Variants in CSMD1 observed in about 807,000 individuals in gnomAD.
CSMD1 encodes the protein CUB and Sushi multiple domains 1, also known as CUB and sushi domain-containing protein 1.
CSMD1 carries 213 observed loss-of-function variants against 417.5 expected under a neutral mutation model. The ratio of observed to expected loss-of-function variants is 0.51; its 90% CI spans 0.46 to 0.57. The LOEUF (loss-of-function observed/expected upper bound fraction) is 0.57. Among genes scored for constraint, CSMD1 ranks in the 20% least tolerant of loss-of-function variants. CSMD1 has a pLI of 0.00. For missense variants in CSMD1, 6,923 were observed against 4,529.7 expected (o/e 1.53, Z -15.17); for synonymous variants, 2,862 against 1,736.8 (o/e 1.65, Z -16.11).
At chr8:3,298,468 T>C (rs1418089748) in intron 25 of CSMD1, among the ~76,000 whole-genome samples, 1 of 150,172 alleles carries the variant, frequency 6.7e-6, no homozygotes, top group Non-Finnish European at 1.5e-5. Context: ...CTCTCTCTCT[T>C]TTTTAGACAG....
intron 41 of CSMD1, among the ~76,000 whole-genome samples, chr8:3,120,615 G>A (rs987271621): frequency 3.3e-5 from 5 of 152,084 alleles, no homozygotes; most frequent in African/African-American, 9.7e-5. Flanking sequence ...TTGGGAGGCC[G>A]AAGCGGGTGG....
At chr8:3,467,370 A>G (rs1306566220) in intron 12 of CSMD1, among the ~76,000 whole-genome samples, 1 of 152,184 alleles carries the variant, frequency 6.6e-6, no homozygotes, top group East Asian at 1.9e-4. Flanking sequence ...GGCAGCAGCA[A>G]ATGCAGGTCA....
At chr8:3,641,410 A>C (rs1797303034) in intron 7 of CSMD1, among the ~76,000 whole-genome samples, 1 of 152,160 alleles carries the variant, frequency 6.6e-6, no homozygotes, top group African/African-American at 2.4e-5. Context: ...AGCAGAAATA[A>C]AAATTGGGTT....
chr8:3,810,638 C>G (rs931823243), intron 5 of CSMD1, among the ~76,000 whole-genome samples: 5 of 152,212 alleles, frequency 3.3e-5, no homozygotes, highest in Non-Finnish European at 7.4e-5. Flanking sequence ...GGACTGGAGT[C>G]TTTAGTTTAT....
At chr8:4,899,137 T>C (rs984499042) in intron 1 of CSMD1, among the ~76,000 whole-genome samples, 1 of 152,352 alleles carries the variant, frequency 6.6e-6, no homozygotes, top group East Asian at 1.9e-4. Context: ...CACGTATCAA[T>C]AGGCAAATTG....
chr8:4,145,486 G>A lies in CSMD1; in HGVS notation c.416-113387C>T, dbSNP rs1026658213. On this transcript the variant is annotated intron_variant, in intron 3 of 69. Transcript: ENST00000635120. ...TTGAAATATATACGGTAAACTAGAC[G>A]GCATGTGAGCCCTGTCACCCTCAAA... 7.3e-5 allele frequency among the ~76,000 whole-genome samples: 11 copies of A among 150,926 alleles called. 1 individual carries two copies. Among genetic ancestry groups the A allele is most frequent in the African/African-American group, 2.7e-4 (11 of 40,324 alleles).
chr8:3,795,064 ATATAT>A (rs1799970216), intron 5 of CSMD1, among the ~76,000 whole-genome samples: 1 of 132,472 alleles, frequency 7.5e-6, no homozygotes, highest in Non-Finnish European at 1.7e-5. Flanking sequence ...AGCTATAGAT[ATATAT>A]CTATCATGTA....
intron 5 of CSMD1, among the ~76,000 whole-genome samples, chr8:3,889,433 G>A (rs1585145706): frequency 9.2e-6 from 1 of 109,132 alleles, no homozygotes; most frequent in Non-Finnish European, 1.8e-5. Context: ...GTCATTAGTT[G>A]ATATGCTTCT....
At chr8:3,973,313 A>T (rs540081902) in intron 5 of CSMD1, among the ~76,000 whole-genome samples, 1 of 152,168 alleles carries the variant, frequency 6.6e-6, no homozygotes, top group Non-Finnish European at 1.5e-5. Flanking sequence ...TTTGAATATC[A>T]GTTGAATGTC....
intron 3 of CSMD1, among the ~76,000 whole-genome samples, chr8:4,242,899 T>G (rs1011039585): frequency 6.6e-6 from 1 of 152,354 alleles, no homozygotes; most frequent in East Asian, 1.9e-4. Flanking sequence ...TTAAAATGTA[T>G]GTTCTAAAAC....
At chr8:3,402,486 A>C (rs1451590419) in intron 15 of CSMD1, among the ~76,000 whole-genome samples, 4 of 152,206 alleles carry the variant, frequency 2.6e-5, no homozygotes, top group African/African-American at 9.6e-5. Flanking sequence ...TGTTAGAAGC[A>C]GAAGAAAGAG....
chr8:4,974,440 C>G lies in CSMD1; in HGVS notation c.85+19892G>C, dbSNP rs75464400. Among the ~76,000 whole-genome samples, 465 of 152,142 alleles carry G rather than the reference C, an allele frequency of 3.1e-3. 5 individuals carry two copies. Among genetic ancestry groups the G allele is most frequent in the African/African-American group, 0.011 (439 of 41,506 alleles). On this transcript the variant is annotated intron_variant, in intron 1 of 69. Transcript: ENST00000635120. ...AGTTGAGATATATTTAAATTTTTGA[C>G]AGAATTTTAGCAGACACAGGCTATA...
chr8:3,860,567 G>A (rs1054788679), intron 5 of CSMD1, among the ~76,000 whole-genome samples: 3 of 152,074 alleles, frequency 2.0e-5, no homozygotes, highest in South Asian at 2.1e-4. Context: ...CAGAAAATAC[G>A]CATATGTATT....
chr8:3,390,083 G>T (rs189938027), intron 17 of CSMD1, among the ~76,000 whole-genome samples: 9 of 152,196 alleles, frequency 5.9e-5, no homozygotes, highest in South Asian at 4.2e-4. Flanking sequence ...GGCTGGGCAC[G>T]GTGGCTCATG....
chr8:4,459,099 T>C (rs545328555), intron 2 of CSMD1, among the ~76,000 whole-genome samples: 30 of 152,294 alleles, frequency 2.0e-4, no homozygotes, highest in African/African-American at 7.2e-4. Flanking sequence ...CCAGCCAGGG[T>C]ACGCTTCTAA....
intron 1 of CSMD1, among the ~76,000 whole-genome samples, chr8:4,884,914 T>G (rs1258786723): frequency 2.0e-5 from 3 of 152,240 alleles, no homozygotes; most frequent in Admixed American, 2.0e-4. Flanking sequence ...ATATAGGTAT[T>G]GCATTGAAGC....
rs74864950 is a variant in CSMD1, at chr8:4,750,000, A to T, written c.86-112442T>A. On this transcript the variant is annotated intron_variant, in intron 1 of 69. Coordinates refer to ENST00000635120, the MANE Select transcript of CSMD1 (RefSeq NM_033225.6). ...TAAAACCCTTGTTTAATTGAAAAAA[A>T]AATAATAATTATTATTATTTTTTTG... 7.8e-3 allele frequency among the ~76,000 whole-genome samples: 1,182 copies of T among 151,842 alleles called. 13 individuals carry two copies. The highest frequency in any genetic ancestry group is 0.027 in the African/African-American group (1,096 of 41,272).
chr8:4,703,250 A>T (rs78455689), intron 1 of CSMD1, among the ~76,000 whole-genome samples: 12,993 of 152,302 alleles, frequency 0.085, 740 homozygotes, highest in Middle Eastern at 0.18. Flanking sequence ...AACCATGGCA[A>T]TGATGGTGGA....
At chr8:4,448,857 G>A (rs917834251) in intron 2 of CSMD1, among the ~76,000 whole-genome samples, 1 of 152,154 alleles carries the variant, frequency 6.6e-6, no homozygotes. Flanking sequence ...TCTTTCTGAT[G>A]TGTATCCAAT....
Sources: allele counts gnomAD v4.1 joint callset (sites outside exome capture counted in the v4.1 genomes callset), GRCh38; gene constraint gnomAD v4.1.1; transcripts MANE v1.5; gene names NCBI Gene and HGNC (gene_info 2026-07-23, HGNC 2026-07-21).